TASP1: variants seen among roughly 807,000 people sequenced by gnomAD.
The protein encoded by TASP1 is threonine aspartase 1.
TASP1 carries 16 observed loss-of-function variants against 56.6 expected under a neutral mutation model. That is an observed-to-expected ratio of 0.28 (90% CI 0.19 to 0.43). The LOEUF (loss-of-function observed/expected upper bound fraction) is 0.43, where lower values mean the gene tolerates loss of function less well. Among genes scored for constraint, TASP1 ranks in the 20% least tolerant of loss-of-function variants. The pLI, the probability that TASP1 is intolerant of heterozygous loss-of-function variation, is 1.00. For missense variants in TASP1, 393 were observed against 511.6 expected, an observed-to-expected ratio of 0.77 and a Z score of 2.24; for synonymous variants, 179 against 184.2, an observed-to-expected ratio of 0.97 and a Z score of 0.23.
At chr20:13,508,745 C>G (rs913597831) in intron 10 of TASP1, among the ~76,000 whole-genome samples, 21 of 152,110 alleles carry the variant, frequency 1.4e-4, no homozygotes, top group African/African-American at 4.8e-4. Flanking sequence ...AAAAGTTGTT[C>G]AACATCACTA....
At chr20:13,498,378 T>TGTGTGTGA (rs998491945) in intron 10 of TASP1, among the ~76,000 whole-genome samples, 1 of 141,232 alleles carries the variant, frequency 7.1e-6, no homozygotes, top group Non-Finnish European at 1.5e-5. Flanking sequence ...TGTGTGTGTG[T>TGTGTGTGA]GATGGAGTCT....
intron 10 of TASP1, among the ~76,000 whole-genome samples, chr20:13,511,381 T>C (rs2044320556): frequency 6.6e-6 from 1 of 152,056 alleles, no homozygotes; most frequent in Non-Finnish European, 1.5e-5. Flanking sequence ...CCCTGGAGTC[T>C]TCCTACCTCT....
chr20:13,390,147 T>C lies in TASP1; in HGVS notation c.*213A>G. On this transcript the variant is annotated 3_prime_UTR_variant, in exon 14 of 14. Coordinates refer to ENST00000337743, the MANE Select transcript of TASP1 (RefSeq NM_017714.3). ...CCACACATACACATATGTGCGCACA[T>C]ACGCGCACACACTCACACACAGTCC... is the stretch of plus-strand genomic sequence containing the variant. 1 of 520,624 alleles carries C rather than the reference T, an allele frequency of 1.9e-6. No individual in the cohort carries two copies. Among genetic ancestry groups the C allele is most frequent in the South Asian group, 2.0e-5 (1 of 49,026 alleles). 32.3% of individuals were successfully genotyped at this position (520,624 alleles called of 1,614,324 possible).
chr20:13,510,351 A>G (rs1447622639), intron 10 of TASP1, among the ~76,000 whole-genome samples: 1 of 152,214 alleles, frequency 6.6e-6, no homozygotes, highest in Non-Finnish European at 1.5e-5. Context: ...CAGAACCAAG[A>G]AGCAAAGCAG....
chr20:13,586,816 A>T (rs1055468458), intron 5 of TASP1, among the ~76,000 whole-genome samples: 3 of 152,200 alleles, frequency 2.0e-5, no homozygotes, highest in African/African-American at 7.2e-5. Flanking sequence ...AAACAAATAC[A>T]GGCACAAAAT....
At chr20:13,319,020 G>A in the TASP1 span, among the ~76,000 whole-genome samples, 1 of 152,142 alleles carries the variant, frequency 6.6e-6, no homozygotes, top group Non-Finnish European at 1.5e-5. Flanking sequence ...AATGAACTCT[G>A]GGTGATAATG....
intron 4 of TASP1, among the ~76,000 whole-genome samples, chr20:13,610,293 A>G (rs1175041329): frequency 6.6e-6 from 1 of 152,260 alleles, no homozygotes; most frequent in Admixed American, 6.5e-5. Flanking sequence ...AGGCAGACAC[A>G]AAAGAATACA....
At chr20:13,446,453 T>C (rs1461999553) in intron 11 of TASP1, among the ~76,000 whole-genome samples, 1 of 152,094 alleles carries the variant, frequency 6.6e-6, no homozygotes, top group African/African-American at 2.4e-5. Flanking sequence ...TTCTAAGAAA[T>C]GTACTACAAA....
the TASP1 span, among the ~76,000 whole-genome samples, chr20:13,264,681 C>T: frequency 3.9e-5 from 6 of 152,318 alleles, no homozygotes; most frequent in Non-Finnish European, 7.3e-5. Flanking sequence ...CGATGAGCAA[C>T]GCCAGCTATG....
chr20:13,144,109 T>C, the TASP1 span, among the ~76,000 whole-genome samples: 1 of 152,200 alleles, frequency 6.6e-6, no homozygotes, highest in Non-Finnish European at 1.5e-5. Context: ...TCTACTGATC[T>C]TTCCCATGAC....
the TASP1 span, among the ~76,000 whole-genome samples, chr20:13,232,304 C>T: frequency 6.6e-6 from 1 of 152,214 alleles, no homozygotes; most frequent in Non-Finnish European, 1.5e-5. Context: ...TTGTGCTCCT[C>T]TGTGAGCTTC....
At chr20:13,384,671 TTA>T (rs1221455231), downstream of TASP1, among the ~76,000 whole-genome samples, 1 of 152,186 alleles carries the variant, frequency 6.6e-6, no homozygotes, top group Non-Finnish European at 1.5e-5. Context: ...ATTATTAACT[TTA>T]TGTTTCCAAC....
At chr20:13,374,524 ATT>A in the TASP1 span, among the ~76,000 whole-genome samples, 2 of 151,736 alleles carry the variant, frequency 1.3e-5, no homozygotes, top group Admixed American at 1.3e-4. Context: ...AATTTTTTGT[ATT>A]TTTAGTAGAG....
the TASP1 span, among the ~76,000 whole-genome samples, chr20:13,197,038 G>A: frequency 6.6e-6 from 1 of 152,188 alleles, no homozygotes; most frequent in African/African-American, 2.4e-5. Flanking sequence ...GGACTATAAG[G>A]TCTGTTTTCC....
chr20:13,431,903 CTA>C (rs2042822215), intron 12 of TASP1, among the ~76,000 whole-genome samples: 2 of 152,192 alleles, frequency 1.3e-5, no homozygotes, highest in African/African-American at 4.8e-5. Flanking sequence ...CTATGGGACT[CTA>C]CAGATAGTCC....
chr20:13,288,160 C>CCTCTCT, the TASP1 span, among the ~76,000 whole-genome samples: 5 of 152,204 alleles, frequency 3.3e-5, no homozygotes, highest in Admixed American at 3.3e-4. Context: ...AATAGATTCT[C>CCTCTCT]CTCTCTCTCT....
the TASP1 span, among the ~76,000 whole-genome samples, chr20:13,212,403 G>A: frequency 2.0e-5 from 3 of 152,136 alleles, no homozygotes; most frequent in Non-Finnish European, 2.9e-5. Flanking sequence ...TGGAGGGATT[G>A]TTTGTTATAG....
At chr20:13,221,830 G>C in the TASP1 span, 15 of 1,457,620 alleles carry the variant, frequency 1.0e-5, no homozygotes, top group Non-Finnish European at 1.4e-5. Context: ...TGCTGCTCAC[G>C]CTGCACATCA....
At chr20:13,154,094 T>G in the TASP1 span, 3 of 1,614,178 alleles carry the variant, frequency 1.9e-6, no homozygotes, top group South Asian at 3.3e-5. Context: ...GCAATGAGAA[T>G]GCTTCTGTTG....
Sources: gnomAD v4.1 joint callset for allele counts (sites outside exome capture counted in the v4.1 genomes callset) on GRCh38, gnomAD v4.1.1 for gene constraint, MANE v1.5 for transcripts, NCBI Gene and HGNC (gene_info 2026-07-23, HGNC 2026-07-21) for gene names.